The following CDH13 variants were observed in gnomAD, a reference collection of about 807,000 sequenced individuals.
CDH13 encodes the protein cadherin-13.
A neutral mutation model predicts 63.8 loss-of-function variants in CDH13; 24 were observed. The ratio of observed to expected loss-of-function variants is 0.38; its 90% CI spans 0.27 to 0.53. The LOEUF is 0.53. Ranked by LOEUF, CDH13 falls within the 20% of genes least tolerant of loss-of-function variation. The pLI is 0.85. For synonymous variants in CDH13, 503 were observed against 355.3 expected, an observed-to-expected ratio of 1.42 and a Z score of -4.67; for missense variants, 1,049 against 903.1, an observed-to-expected ratio of 1.16 and a Z score of -2.07.
chr16:82,645,514 G>T (rs141649547), intron 1 of CDH13, among the ~76,000 whole-genome samples: 11 of 152,044 alleles, frequency 7.2e-5, no homozygotes, highest in Non-Finnish European at 1.5e-4. Flanking sequence ...CTAGTGGGCA[G>T]AGCTCAGGGA....
intron 5 of CDH13, among the ~76,000 whole-genome samples, chr16:83,326,568 C>T (rs1174343611): frequency 2.0e-5 from 3 of 151,992 alleles, no homozygotes; most frequent in Non-Finnish European, 4.4e-5. Context: ...GGAGATGACT[C>T]ATAAATTATC....
At chr16:82,945,769 CA>C (rs2151315612) in intron 2 of CDH13, among the ~76,000 whole-genome samples, 1 of 152,142 alleles carries the variant, frequency 6.6e-6, no homozygotes, top group Admixed American at 6.5e-5. Context: ...TTTGATAGGC[CA>C]AAAGTATTAT....
At chr16:83,570,466 G>A (rs1904471575) in intron 7 of CDH13, among the ~76,000 whole-genome samples, 1 of 151,936 alleles carries the variant, frequency 6.6e-6, no homozygotes, top group Non-Finnish European at 1.5e-5. Context: ...CCTGCACCAG[G>A]GAGTGAGAAT....
At chr16:83,117,708 C>G (rs1449618586) in intron 3 of CDH13, among the ~76,000 whole-genome samples, 1 of 152,112 alleles carries the variant, frequency 6.6e-6, no homozygotes, top group Non-Finnish European at 1.5e-5. Context: ...TGAATCTATT[C>G]TCTCGCTCCT....
intron 1 of CDH13, among the ~76,000 whole-genome samples, chr16:82,855,189 G>A (rs974962157): frequency 3.3e-5 from 5 of 152,138 alleles, no homozygotes; most frequent in African/African-American, 9.7e-5. Context: ...GCTGGAAAAG[G>A]TTTATTTATT....
intron 5 of CDH13, among the ~76,000 whole-genome samples, chr16:83,220,803 CA>C (rs2039678171): frequency 6.6e-6 from 1 of 152,074 alleles, no homozygotes; most frequent in African/African-American, 2.4e-5. Context: ...CCAAATCCAA[CA>C]AGAAATATTT....
chr16:83,572,350 A>G (rs1189140013), intron 7 of CDH13, among the ~76,000 whole-genome samples: 1 of 152,134 alleles, frequency 6.6e-6, no homozygotes, highest in Non-Finnish European at 1.5e-5. Flanking sequence ...CATGTTGGTC[A>G]GGCTGGTCTC....
At chr16:83,491,173 A>G (rs1467436377) in intron 7 of CDH13, among the ~76,000 whole-genome samples, 1 of 152,186 alleles carries the variant, frequency 6.6e-6, no homozygotes, top group Non-Finnish European at 1.5e-5. Flanking sequence ...CTTTATGTTT[A>G]CCTTCTGCAG....
intron 6 of CDH13, among the ~76,000 whole-genome samples, chr16:83,453,087 G>A (rs2072926427): frequency 6.6e-6 from 1 of 152,198 alleles, no homozygotes; most frequent in African/African-American, 2.4e-5. Context: ...GGATGGGATT[G>A]GAGACTATTA....
At chr16:83,500,047 C>G (rs1337870001) in intron 7 of CDH13, among the ~76,000 whole-genome samples, 1 of 151,900 alleles carries the variant, frequency 6.6e-6, no homozygotes, top group African/African-American at 2.4e-5. Context: ...AGGCGATCCG[C>G]CCACCTCGGC....
intron 1 of CDH13, among the ~76,000 whole-genome samples, chr16:82,799,977 G>A (rs2036772823): frequency 6.6e-6 from 1 of 152,188 alleles, no homozygotes; most frequent in African/African-American, 2.4e-5. Flanking sequence ...TACAAGCAGA[G>A]AGGATCTATT....
At chr16:83,460,778 T>A (rs2073155724) in intron 6 of CDH13, among the ~76,000 whole-genome samples, 1 of 151,340 alleles carries the variant, frequency 6.6e-6, no homozygotes, top group South Asian at 2.1e-4. Flanking sequence ...AGGATTGCTT[T>A]AGCCTAGGAT....
intron 5 of CDH13, among the ~76,000 whole-genome samples, chr16:83,247,479 A>T (rs78299799): frequency 0.044 from 5,435 of 124,136 alleles, 126 homozygotes; most frequent in Middle Eastern, 0.074. Flanking sequence ...CTGAGGATGA[A>T]GCCCATGCTG....
intron 7 of CDH13, among the ~76,000 whole-genome samples, chr16:83,540,564 A>G (rs2150648657): frequency 6.6e-6 from 1 of 152,234 alleles, no homozygotes; most frequent in Admixed American, 6.5e-5. Flanking sequence ...CCTTTAAAAC[A>G]GTTTCTTTTG....
At chr16:83,732,392 G>A (rs1314055639) in intron 10 of CDH13, among the ~76,000 whole-genome samples, 1 of 152,180 alleles carries the variant, frequency 6.6e-6, no homozygotes, top group African/African-American at 2.4e-5. Flanking sequence ...AGCCTGGCTA[G>A]CTTTGGACTG....
At chr16:83,747,734 C>A (rs1321344143) in intron 10 of CDH13, among the ~76,000 whole-genome samples, 1 of 148,648 alleles carries the variant, frequency 6.7e-6, no homozygotes, top group African/African-American at 2.5e-5. Context: ...ACCTTCACAA[C>A]AGCACTTCTC....
chr16:83,133,770 A>G (rs1051088302), intron 4 of CDH13, among the ~76,000 whole-genome samples: 3 of 152,174 alleles, frequency 2.0e-5, no homozygotes, highest in African/African-American at 7.2e-5. Flanking sequence ...AAGTGCTGGG[A>G]TTACAGGTGT....
chr16:82,975,844 A>G (rs555706733), intron 2 of CDH13, among the ~76,000 whole-genome samples: 1 of 152,256 alleles, frequency 6.6e-6, no homozygotes, highest in African/African-American at 2.4e-5. Context: ...CCCATCCCTG[A>G]AAAATGGGGG....
chr16:83,690,228 A>G (rs1904714583), intron 10 of CDH13, among the ~76,000 whole-genome samples: 2 of 152,228 alleles, frequency 1.3e-5, no homozygotes, highest in Non-Finnish European at 2.9e-5. Context: ...TGTGGAAGAG[A>G]GAAAATGAAT....
Sources: gnomAD v4.1 joint callset for allele counts (sites outside exome capture counted in the v4.1 genomes callset) on GRCh38, gnomAD v4.1.1 for gene constraint, MANE v1.5 for transcripts, NCBI Gene and HGNC (gene_info 2026-07-23, HGNC 2026-07-21) for gene names.